Variants in GABRG3 observed in about 807,000 individuals in gnomAD.
GABRG3 encodes the protein gamma-aminobutyric acid type A receptor subunit gamma3.
GABRG3 carries 25 observed loss-of-function variants against 48.8 expected under a neutral mutation model. That is an observed-to-expected ratio of 0.51 (90% CI 0.37 to 0.72). The LOEUF is 0.72. Among genes scored for constraint, GABRG3 ranks in the 30% least tolerant of loss-of-function variants. GABRG3 has a pLI of 0.00. For missense variants in GABRG3, 394 were observed against 577.9 expected, an observed-to-expected ratio of 0.68 and a Z score of 3.26; for synonymous variants, 227 against 217.6, an observed-to-expected ratio of 1.04 and a Z score of -0.38.
intron 6 of GABRG3, among the ~76,000 whole-genome samples, chr15:27,501,021 G>A (rs1339046450): frequency 4.9e-5 from 7 of 141,416 alleles, no homozygotes; most frequent in Non-Finnish European, 7.5e-5. Context: ...GCGCGATCTC[G>A]GCTCACTGCA....
chr15:27,444,015 C>T (rs953877237), intron 5 of GABRG3, among the ~76,000 whole-genome samples: 15 of 152,040 alleles, frequency 9.9e-5, no homozygotes, highest in Non-Finnish European at 1.6e-4. Flanking sequence ...TTGCTAGATT[C>T]GGATAGTTAA....
intron 6 of GABRG3, among the ~76,000 whole-genome samples, chr15:27,489,756 A>C (rs1026574928): frequency 6.6e-6 from 1 of 152,240 alleles, no homozygotes; most frequent in African/African-American, 2.4e-5. Context: ...AGTTCTTTGT[A>C]GATTCTGGAT....
chr15:27,532,773 G>A lies in GABRG3; in HGVS notation c.1296G>A (p.Gly432=). The A allele has an allele frequency of 1.9e-6, 3 of 1,614,022 alleles. No homozygotes were observed. Among genetic ancestry groups the A allele is most frequent in the Non-Finnish European group, 2.5e-6 (3 of 1,179,892 alleles). The change falls in exon 10 of 10, where the codon GGG becomes GGA. Residue 432 remains glycine (G), a synonymous_variant. Transcript: ENST00000615808. ...EECKSGSWRK[G]RIHIDILELD... ...GTAAATCAGGATCCTGGAGGAAAGG[G>A]CGTATTCACATAGACATCTTGGAGC...
intron 2 of GABRG3, among the ~76,000 whole-genome samples, chr15:27,021,825 A>C (rs1280183680): frequency 2.0e-5 from 3 of 152,244 alleles, no homozygotes; most frequent in African/African-American, 7.2e-5. Flanking sequence ...CGTGGGCAAC[A>C]GAGCAAGACC....
At chr15:27,331,939 G>A (rs190223550) in intron 5 of GABRG3, among the ~76,000 whole-genome samples, 1 of 151,368 alleles carries the variant, frequency 6.6e-6, no homozygotes, top group East Asian at 1.9e-4. Flanking sequence ...TTCTGATAGA[G>A]CCATATTATC....
intron 5 of GABRG3, among the ~76,000 whole-genome samples, chr15:27,367,165 A>G (rs746885123): frequency 6.6e-6 from 1 of 151,944 alleles, no homozygotes; most frequent in Non-Finnish European, 1.5e-5. Context: ...CCATCCTCGT[A>G]CCCTCCTGGA....
At chr15:27,471,701 A>G (rs899569377) in intron 5 of GABRG3, among the ~76,000 whole-genome samples, 1 of 152,156 alleles carries the variant, frequency 6.6e-6, no homozygotes, top group Non-Finnish European at 1.5e-5. Flanking sequence ...ATAAGAATGG[A>G]TCCAAATTGA....
chr15:27,434,873 G>A (rs1888562024), intron 5 of GABRG3, among the ~76,000 whole-genome samples: 1 of 152,132 alleles, frequency 6.6e-6, no homozygotes, highest in African/African-American at 2.4e-5. Context: ...GCAAGTAGCT[G>A]GAGTCCGACT....
At chr15:27,329,982 C>G (rs570543250) in intron 5 of GABRG3, among the ~76,000 whole-genome samples, 2 of 152,294 alleles carry the variant, frequency 1.3e-5, no homozygotes, top group South Asian at 4.1e-4. Context: ...TGGCTCACGC[C>G]TGTAATCCCA....
intron 5 of GABRG3, chr15:27,350,180 G>C (rs1034787341): frequency 2.2e-6 from 1 of 455,876 alleles, no homozygotes; most frequent in African/African-American, 2.0e-5. Context: ...ACGTTTAAAA[G>C]TTTCAAGCTT....
At chr15:27,364,763 A>T (rs987446666) in intron 5 of GABRG3, 2 of 152,208 alleles carry the variant, frequency 1.3e-5, no homozygotes, top group Admixed American at 1.3e-4. Flanking sequence ...TCACTAACAC[A>T]TTACTGAAGG....
At chr15:27,477,464 G>A (rs1477832042) in intron 5 of GABRG3, among the ~76,000 whole-genome samples, 1 of 152,142 alleles carries the variant, frequency 6.6e-6, no homozygotes, top group Non-Finnish European at 1.5e-5. Flanking sequence ...TTGTAGGGCA[G>A]GAAAGATACT....
intron 5 of GABRG3, among the ~76,000 whole-genome samples, chr15:27,425,459 A>AAAAAT: frequency 6.7e-6 from 1 of 150,228 alleles, no homozygotes; most frequent in Admixed American, 6.6e-5. Context: ...AAAAAAAAAA[A>AAAAAT]AAAAAAATAG....
At chr15:27,082,365 C>A (rs1398973695) in intron 3 of GABRG3, among the ~76,000 whole-genome samples, 2 of 152,190 alleles carry the variant, frequency 1.3e-5, no homozygotes, top group Admixed American at 6.5e-5. Flanking sequence ...TTCCAGAATG[C>A]CACAAATGCA....
chr15:27,202,889 G>A (rs1888734251), intron 3 of GABRG3, among the ~76,000 whole-genome samples: 1 of 151,900 alleles, frequency 6.6e-6, no homozygotes, highest in South Asian at 2.1e-4. Context: ...GTTTTTATGT[G>A]GTAAAATATG....
intron 2 of GABRG3, among the ~76,000 whole-genome samples, chr15:26,984,144 T>A (rs1474432891): frequency 5.3e-5 from 8 of 152,198 alleles, no homozygotes; most frequent in Non-Finnish European, 1.2e-4. Context: ...GTCTTGAGGA[T>A]AATGTGGTAT....
intron 5 of GABRG3, among the ~76,000 whole-genome samples, chr15:27,345,791 C>A (rs140782650): frequency 0.015 from 2,248 of 152,136 alleles, 47 homozygotes; most frequent in African/African-American, 0.052. Flanking sequence ...CTGTGGCTCA[C>A]ACCTGTAATC....
chr15:27,209,790 G>C (rs964912576), intron 3 of GABRG3, among the ~76,000 whole-genome samples: 2 of 152,250 alleles, frequency 1.3e-5, no homozygotes, highest in Non-Finnish European at 2.9e-5. Flanking sequence ...CTGTTTCACA[G>C]TGCTGGAGGC....
At chr15:26,986,044 G>C (rs1164526374) in intron 2 of GABRG3, among the ~76,000 whole-genome samples, 1 of 152,046 alleles carries the variant, frequency 6.6e-6, no homozygotes, top group Non-Finnish European at 1.5e-5. Flanking sequence ...CCACCCCTCT[G>C]ACTCAATGAA....
Sources: allele counts gnomAD v4.1 joint callset (sites outside exome capture counted in the v4.1 genomes callset), GRCh38; gene constraint gnomAD v4.1.1; transcripts MANE v1.5; gene names NCBI Gene and HGNC (gene_info 2026-07-23, HGNC 2026-07-21).